Variants in GPC6 observed in about 807,000 individuals in gnomAD.
GPC6 encodes the protein glypican-6.
In GPC6, 14 loss-of-function variants were observed where a neutral mutation model predicts 55.2. The observed-to-expected ratio is 0.25, with a 90% CI of 0.17 to 0.40. The LOEUF (loss-of-function observed/expected upper bound fraction) is 0.40. Ranked by LOEUF, GPC6 falls within the 10% of genes least tolerant of loss-of-function variation. GPC6 has a pLI of 1.00. For synonymous variants in GPC6, 278 were observed against 259.6 expected, an observed-to-expected ratio of 1.07 and a Z score of -0.68; for missense variants, 641 against 708.5, an observed-to-expected ratio of 0.90 and a Z score of 1.08.
intron 4 of GPC6, among the ~76,000 whole-genome samples, chr13:94,081,844 C>CTTTT (rs201141414): frequency 2.3e-5 from 3 of 133,002 alleles, no homozygotes; most frequent in South Asian, 2.6e-4. Context: ...TACTACTTTC[C>CTTTT]TTTTTTTTTT....
chr13:93,830,330 G>A lies in GPC6; in HGVS notation c.496G>A (p.Ala166Thr). 6.2e-7 allele frequency: 1 copy of A among 1,613,954 alleles called. No homozygotes were observed. The highest frequency in any genetic ancestry group is 8.5e-7 in the Non-Finnish European group (1 of 1,179,944). The change falls in exon 3 of 9, where the codon GCT becomes ACT. Residue 166 changes from alanine (A) to threonine (T), a missense_variant. Coordinates refer to ENST00000377047, the MANE Select transcript of GPC6 (RefSeq NM_005708.5). ...GGAGGAAATGCTCAATGACTTTTGG[G>A]CTCGGCTCCTGGAACGGATGTTTCA... ...NLEEMLNDFW[A>T]RLLERMFQLI...
At chr13:93,673,815 C>T (rs1453870752) in intron 2 of GPC6, among the ~76,000 whole-genome samples, 3 of 152,056 alleles carry the variant, frequency 2.0e-5, no homozygotes, top group East Asian at 1.9e-4. Flanking sequence ...GTGTATTTGG[C>T]TTTTCAATTT....
intron 2 of GPC6, among the ~76,000 whole-genome samples, chr13:93,633,452 C>T (rs1387555351): frequency 1.3e-5 from 2 of 151,954 alleles, no homozygotes; most frequent in African/African-American, 4.8e-5. Flanking sequence ...TTAAGACTAG[C>T]CTGGCCAACA....
chr13:93,915,079 G>A (rs1033263388), intron 3 of GPC6, among the ~76,000 whole-genome samples: 5 of 152,068 alleles, frequency 3.3e-5, no homozygotes, highest in Non-Finnish European at 7.4e-5. Flanking sequence ...GTTGTTAAAG[G>A]TGCTCTATAT....
At chr13:94,183,959 T>A (rs1441933331) in intron 4 of GPC6, among the ~76,000 whole-genome samples, 1 of 152,132 alleles carries the variant, frequency 6.6e-6, no homozygotes, top group Non-Finnish European at 1.5e-5. Context: ...CACTTACAAC[T>A]CTCTGAACAT....
At chr13:93,915,190 C>T (rs1877223159) in intron 3 of GPC6, among the ~76,000 whole-genome samples, 1 of 152,106 alleles carries the variant, frequency 6.6e-6, no homozygotes, top group Non-Finnish European at 1.5e-5. Context: ...ATTTATTGAC[C>T]TTCAGATCTT....
intron 1 of GPC6, among the ~76,000 whole-genome samples, chr13:93,328,941 G>A (rs919170200): frequency 3.3e-5 from 5 of 151,992 alleles, no homozygotes; most frequent in Admixed American, 6.6e-5. Flanking sequence ...AGTTCAAGTC[G>A]TCAGTTTAGA....
Position 93,371,206 on chromosome 13 carries a change from A to T in GPC6, c.160+143590A>T, listed in dbSNP as rs1594125270. On this transcript the variant is annotated intron_variant, in intron 1 of 8. Transcript: ENST00000377047. ...ATGGCTAGAGAGTTAATGATTCGGG[A>T]AATATTTTCATTGAGGATGAAGCTT... 2.0e-5 allele frequency among the ~76,000 whole-genome samples: 3 copies of T among 152,162 alleles called. No homozygotes were observed. In the South Asian group the frequency reaches 6.2e-4, roughly 32 times the overall value.
intron 1 of GPC6, among the ~76,000 whole-genome samples, chr13:93,471,615 T>C (rs1879120327): frequency 6.6e-6 from 1 of 152,224 alleles, no homozygotes; most frequent in East Asian, 1.9e-4. Flanking sequence ...TTATAATTTC[T>C]CTTGAAATTT....
chr13:94,100,204 A>G (rs1243489764), intron 4 of GPC6, among the ~76,000 whole-genome samples: 1 of 152,244 alleles, frequency 6.6e-6, no homozygotes, highest in African/African-American at 2.4e-5. Context: ...CCAAAGTCAC[A>G]GAGATAATTC....
At position 93,363,525 on chromosome 13, in the gene GPC6, A is replaced by G. The variant is rs1333320203; in HGVS notation, c.160+135909A>G. 6.6e-5 allele frequency among the ~76,000 whole-genome samples: 10 copies of G among 151,512 alleles called. No homozygotes were observed. The East Asian group carries it at 7.8e-4, about 12-fold the overall frequency. On this transcript the variant is annotated intron_variant, in intron 1 of 8. Coordinates refer to ENST00000377047, the MANE Select transcript of GPC6 (RefSeq NM_005708.5). Reference sequence around the variant, plus strand: ...TATATGTGCCACATTTTCTTAATCCAGTCTATCATTGTTGGACATTTGGGT... The same window carrying G: ...TATATGTGCCACATTTTCTTAATCCGGTCTATCATTGTTGGACATTTGGGT...
intron 2 of GPC6, among the ~76,000 whole-genome samples, chr13:93,552,168 C>T (rs150807992): frequency 0.014 from 2,097 of 152,264 alleles, 20 homozygotes; most frequent in Non-Finnish European, 0.021. Flanking sequence ...AATCAGAATG[C>T]GCTGAACTGA....
chr13:93,359,889 G>A (rs1167488594), intron 1 of GPC6, among the ~76,000 whole-genome samples: 1 of 151,930 alleles, frequency 6.6e-6, no homozygotes, highest in Non-Finnish European at 1.5e-5. Flanking sequence ...AAATAATTAG[G>A]CAAAGAAAAC....
At chr13:93,684,544 G>C (rs1046410868) in intron 2 of GPC6, among the ~76,000 whole-genome samples, 5 of 152,142 alleles carry the variant, frequency 3.3e-5, no homozygotes, top group African/African-American at 1.2e-4. Flanking sequence ...AGATTAAAAT[G>C]AATATTTTCT....
intron 2 of GPC6, among the ~76,000 whole-genome samples, chr13:93,564,118 G>A (rs1394822202): frequency 6.6e-6 from 1 of 151,934 alleles, no homozygotes; most frequent in Admixed American, 6.6e-5. Context: ...AACTCATAAA[G>A]GAAATGGTAT....
At chr13:93,758,246 G>A (rs1279271667) in intron 2 of GPC6, among the ~76,000 whole-genome samples, 2 of 152,140 alleles carry the variant, frequency 1.3e-5, no homozygotes, top group African/African-American at 2.4e-5. Context: ...AGAGGCAACA[G>A]GGCAGCTGTC....
rs77969820 is a variant in GPC6 at position 93,471,109 on chromosome 13, A to C, written c.161-74154A>C. ...TGCTTTTGATTTTTCAATTCCATTG[A>C]TTTTGGCTTTTCATATTCTTATTTT... On this transcript the variant is annotated intron_variant, in intron 1 of 8. Transcript: ENST00000377047. Among the ~76,000 whole-genome samples the C allele has an allele frequency of 8.2e-3, 1,247 of 151,914 alleles. 18 individuals carry two copies. Among genetic ancestry groups the C allele is most frequent in the African/African-American group, 0.029 (1,183 of 41,424 alleles).
chr13:94,147,561 T>A (rs1021717865), intron 4 of GPC6, among the ~76,000 whole-genome samples: 2 of 152,208 alleles, frequency 1.3e-5, no homozygotes, highest in African/African-American at 4.8e-5. Context: ...AAGCATAAAC[T>A]GTTGTTGTTA....
At chr13:93,584,976 C>G (rs1454659869) in intron 2 of GPC6, among the ~76,000 whole-genome samples, 1 of 152,118 alleles carries the variant, frequency 6.6e-6, no homozygotes, top group East Asian at 1.9e-4. Flanking sequence ...AGGCATGAGC[C>G]ACTGTACCCG....
Sources: allele counts gnomAD v4.1 joint callset (sites outside exome capture counted in the v4.1 genomes callset), GRCh38; gene constraint gnomAD v4.1.1; transcripts MANE v1.5; gene names NCBI Gene and HGNC (gene_info 2026-07-23, HGNC 2026-07-21).